Variants in HS6ST3 observed in about 807,000 individuals in gnomAD.
HS6ST3 encodes the protein heparan sulfate 6-O-sulfotransferase 3.
HS6ST3 carries 12 observed loss-of-function variants against 36.7 expected under a neutral mutation model. The ratio of observed to expected loss-of-function variants is 0.33; its 90% CI spans 0.21 to 0.53. The LOEUF is 0.53. Among genes scored for constraint, HS6ST3 ranks in the 20% least tolerant of loss-of-function variants. The probability of loss-of-function intolerance (pLI) is 0.95; values close to 1 mark genes in which losing one functional copy is unlikely to be tolerated. For missense variants in HS6ST3, 584 were observed against 640.9 expected, an observed-to-expected ratio of 0.91 and a Z score of 0.96; for synonymous variants, 240 against 257.5, an observed-to-expected ratio of 0.93 and a Z score of 0.65.
intron 1 of HS6ST3, among the ~76,000 whole-genome samples, chr13:96,268,432 C>T (rs963799581): frequency 1.3e-5 from 2 of 151,890 alleles, no homozygotes; most frequent in African/African-American, 4.9e-5. Flanking sequence ...AACTCACTCA[C>T]TATCATGAGA....
chr13:96,686,270 G>A (rs1183289474), intron 1 of HS6ST3, among the ~76,000 whole-genome samples: 4 of 151,942 alleles, frequency 2.6e-5, no homozygotes, highest in Admixed American at 6.6e-5. Flanking sequence ...CAAGTGAAAA[G>A]ATATTTTTAT....
intron 1 of HS6ST3, among the ~76,000 whole-genome samples, chr13:96,381,436 A>G (rs1383028293): frequency 1.4e-5 from 2 of 141,592 alleles, no homozygotes; most frequent in Admixed American, 7.0e-5. Context: ...CTATCTATCT[A>G]TCACTCATTC....
intron 1 of HS6ST3, among the ~76,000 whole-genome samples, chr13:96,431,305 A>G (rs966403182): frequency 7.9e-5 from 12 of 152,122 alleles, no homozygotes; most frequent in Non-Finnish European, 1.6e-4. Context: ...AAAGAAAACA[A>G]CATGAAGAGA....
At chr13:96,734,768 G>T (rs995638863) in intron 1 of HS6ST3, among the ~76,000 whole-genome samples, 1 of 152,186 alleles carries the variant, frequency 6.6e-6, no homozygotes, top group Non-Finnish European at 1.5e-5. Flanking sequence ...CAGCATTAAC[G>T]CAGAGTGATC....
At chr13:96,829,853 T>C (rs1026303799) in intron 1 of HS6ST3, among the ~76,000 whole-genome samples, 4 of 152,172 alleles carry the variant, frequency 2.6e-5, no homozygotes, top group Non-Finnish European at 5.9e-5. Flanking sequence ...TTCATTTGGC[T>C]TTATAACCGA....
chr13:96,776,453 CA>C (rs1219794924), intron 1 of HS6ST3, among the ~76,000 whole-genome samples: 1 of 150,756 alleles, frequency 6.6e-6, no homozygotes, highest in East Asian at 1.9e-4. Flanking sequence ...GCCAGGCTAA[CA>C]AAAAAAGGAA....
At chr13:96,151,611 C>G (rs1296751213) in intron 1 of HS6ST3, among the ~76,000 whole-genome samples, 5 of 152,190 alleles carry the variant, frequency 3.3e-5, no homozygotes, top group Admixed American at 3.3e-4. Flanking sequence ...TAACAAAGTG[C>G]TACACATTGG....
chr13:96,418,708 TG>T (rs1202511768), intron 1 of HS6ST3, among the ~76,000 whole-genome samples: 1 of 152,174 alleles, frequency 6.6e-6, no homozygotes. Context: ...GAGGAAATGT[TG>T]GAAGAGAGGA....
intron 1 of HS6ST3, among the ~76,000 whole-genome samples, chr13:96,321,134 A>G (rs1320406439): frequency 3.3e-5 from 5 of 151,528 alleles, no homozygotes; most frequent in Non-Finnish European, 5.9e-5. Context: ...TTTTTAAAAG[A>G]AGTAAGTTAA....
At chr13:96,716,595 A>G (rs1380501359) in intron 1 of HS6ST3, among the ~76,000 whole-genome samples, 1 of 152,086 alleles carries the variant, frequency 6.6e-6, no homozygotes, top group African/African-American at 2.4e-5. Context: ...TTTATGATCT[A>G]TTATCTATGA....
At chr13:96,610,604 C>G (rs1444710535) in intron 1 of HS6ST3, among the ~76,000 whole-genome samples, 1 of 152,076 alleles carries the variant, frequency 6.6e-6, no homozygotes. Flanking sequence ...AGGAATAGCA[C>G]CAATAGCTTG....
At chr13:96,303,318 G>T (rs1217796535) in intron 1 of HS6ST3, among the ~76,000 whole-genome samples, 4 of 152,180 alleles carry the variant, frequency 2.6e-5, no homozygotes, top group Non-Finnish European at 4.4e-5. Flanking sequence ...CTTAGATCTA[G>T]TGAGGACTGC....
intron 1 of HS6ST3, among the ~76,000 whole-genome samples, chr13:96,460,792 G>A (rs962023623): frequency 6.6e-5 from 10 of 152,160 alleles, no homozygotes; most frequent in Non-Finnish European, 7.3e-5. Context: ...GTCTGGCAGT[G>A]TGCCCACTCA....
At chr13:96,450,121 C>A (rs891449821) in intron 1 of HS6ST3, among the ~76,000 whole-genome samples, 3 of 152,188 alleles carry the variant, frequency 2.0e-5, no homozygotes, top group African/African-American at 7.2e-5. Flanking sequence ...CTTCTGACCT[C>A]AAACAAATGT....
chr13:96,591,894 G>A (rs2056383682), intron 1 of HS6ST3, among the ~76,000 whole-genome samples: 1 of 151,554 alleles, frequency 6.6e-6, no homozygotes, highest in African/African-American at 2.4e-5. Context: ...TTTTTTTTAG[G>A]GTTTTTATTT....
chr13:96,688,030 A>G (rs557489451), intron 1 of HS6ST3, among the ~76,000 whole-genome samples: 1 of 82,772 alleles, frequency 1.2e-5, no homozygotes, highest in East Asian at 3.6e-4. Context: ...GAACACTTGG[A>G]CACAGGAAGG....
At chr13:96,829,886 G>C (rs1327736329) in intron 1 of HS6ST3, among the ~76,000 whole-genome samples, 1 of 152,128 alleles carries the variant, frequency 6.6e-6, no homozygotes, top group Non-Finnish European at 1.5e-5. Context: ...TGGATCAAAT[G>C]ATAGTTCTGT....
chr13:96,173,169 GAA>G (rs1411388216), intron 1 of HS6ST3, among the ~76,000 whole-genome samples: 4 of 152,106 alleles, frequency 2.6e-5, no homozygotes, highest in Non-Finnish European at 5.9e-5. Context: ...AGATAAAAGA[GAA>G]AGAGAATGAT....
chr13:96,481,990 A>C (rs2138898598), intron 1 of HS6ST3, among the ~76,000 whole-genome samples: 1 of 152,050 alleles, frequency 6.6e-6, no homozygotes, highest in East Asian at 1.9e-4. Context: ...TTGTTCTTAG[A>C]TCTCCACCTT....
Sources: allele counts gnomAD v4.1 joint callset (sites outside exome capture counted in the v4.1 genomes callset), GRCh38; gene constraint gnomAD v4.1.1; transcripts MANE v1.5; gene names NCBI Gene and HGNC (gene_info 2026-07-23, HGNC 2026-07-21).